RPAP2: variants seen among roughly 807,000 people sequenced by gnomAD.
RPAP2 encodes the protein RNA polymerase II associated protein 2.
RPAP2 carries 52 observed loss-of-function variants against 73.1 expected under a neutral mutation model. The ratio of observed to expected loss-of-function variants is 0.71; its 90% CI spans 0.57 to 0.90. RPAP2 has a LOEUF of 0.90. RPAP2 is among the 40% of genes least tolerant of loss of function. The pLI is 0.00. For missense variants in RPAP2, 598 were observed against 701.8 expected (o/e 0.85, Z 1.67); for synonymous variants, 225 against 242.1 (o/e 0.93, Z 0.65).
chr1:92,334,973 G>A (rs554404636), intron 9 of RPAP2, among the ~76,000 whole-genome samples: 1 of 152,206 alleles, frequency 6.6e-6, no homozygotes, highest in South Asian at 2.1e-4. Context: ...GAGCAACAGA[G>A]TGAGACTCCA....
chr1:92,342,742 G>A (rs1653667893), intron 10 of RPAP2, among the ~76,000 whole-genome samples: 1 of 152,152 alleles, frequency 6.6e-6, no homozygotes, highest in African/African-American at 2.4e-5. Context: ...TAGATTTGGT[G>A]ACTGGCTGGA....
rs542350163 is a variant in RPAP2, at chr1:92,335,060, G to C, written c.1539-1287G>C. On this transcript the variant is annotated intron_variant, in intron 9 of 12. Coordinates refer to ENST00000610020, the MANE Select transcript of RPAP2 (RefSeq NM_024813.3). The stretch of plus-strand genomic sequence containing the variant: ...ACTCAGGAGGCTGAAGTGGAGGATC[G>C]CTTGAGCACGAGAGTTTGAGTCTGC... 5.3e-5 allele frequency among the ~76,000 whole-genome samples: 8 copies of C among 152,246 alleles called. 1 individual carries two copies. The South Asian group carries it at 8.3e-4, about 16-fold the overall frequency.
At chr1:92,372,752 T>G (rs1279328850) in intron 11 of RPAP2, among the ~76,000 whole-genome samples, 1 of 152,056 alleles carries the variant, frequency 6.6e-6, no homozygotes, top group East Asian at 1.9e-4. Flanking sequence ...TAAAAAAATT[T>G]TTTTAAAGTA....
chr1:92,306,726 C>CTA lies in RPAP2; in HGVS notation c.400-461_400-460dup, dbSNP rs368596521. On this transcript the variant is annotated intron_variant, in intron 5 of 12. Coordinates refer to ENST00000610020, the MANE Select transcript of RPAP2 (RefSeq NM_024813.3). ...TGTGGTGGCACGCCTGTAGTCCAAG[C>CTA]TACTCAGGAGGCTGAAACCAGAGGA... 2.9e-3 allele frequency among the ~76,000 whole-genome samples: 443 copies of CTA among 152,084 alleles called. 3 individuals are homozygous for CTA. Among genetic ancestry groups the CTA allele is most frequent in the Admixed American group, 4.7e-3 (72 of 15,282 alleles).
intron 10 of RPAP2, 88 bp from the exon 11 acceptor site, chr1:92,345,757 AC>A: frequency 1.2e-6 from 1 of 801,236 alleles, no homozygotes; most frequent in East Asian, 2.6e-5. Flanking sequence ...CTTCTTTGGC[AC>A]ATTATTATAA....
At chr1:92,357,470 A>G (rs1435759694) in intron 11 of RPAP2, among the ~76,000 whole-genome samples, 1 of 152,216 alleles carries the variant, frequency 6.6e-6, no homozygotes, top group East Asian at 1.9e-4. Flanking sequence ...GGAAGTACCT[A>G]TAGCGTGAAA....
chr1:92,321,470 A>G (rs907939660), intron 7 of RPAP2, among the ~76,000 whole-genome samples: 4 of 151,608 alleles, frequency 2.6e-5, no homozygotes, highest in African/African-American at 9.7e-5. Context: ...TTTTATATAT[A>G]TATATATTTT....
rs964943884 is a variant in RPAP2, at chr1:92,389,085, C to T, written c.*2074C>T. 6.6e-6 allele frequency: 1 copy of T among 152,426 alleles called. No homozygotes were observed. Among genetic ancestry groups the T allele is most frequent in the Non-Finnish European group, 1.5e-5 (1 of 68,230 alleles). The allele number at this position is 152,426 out of a possible 1,614,324, so 9.4% of individuals were successfully genotyped here. A position where few individuals can be genotyped will look rare whatever the true frequency, so the allele number is the denominator to read the frequency against. ...GCTCCGATAATAGACAGACTGCCTCCTCAAGTGGGTCCCTGACCCCCGTGT... is the reference window on the plus strand; with the variant it reads ...GCTCCGATAATAGACAGACTGCCTCTTCAAGTGGGTCCCTGACCCCCGTGT... On this transcript the variant is annotated 3_prime_UTR_variant, in exon 13 of 13. Transcript: ENST00000610020.
At position 92,365,568 on chromosome 1, in the gene RPAP2, T is replaced by C. The variant is rs114953961; in HGVS notation, c.1689-15156T>C. Among the ~76,000 whole-genome samples, 687 of 152,324 alleles carry C rather than the reference T, an allele frequency of 4.5e-3. 5 individuals are homozygous for C. The highest frequency in any genetic ancestry group is 0.016 in the African/African-American group (666 of 41,566). On this transcript the variant is annotated intron_variant, in intron 11 of 12. Coordinates refer to ENST00000610020, the MANE Select transcript of RPAP2 (RefSeq NM_024813.3). ...GCTAAGTAGAGAAGTGCTAAATCAG[T>C]TGACTTAGCTGCATATACCAGGATT...
chr1:92,345,911 CATT>C lies in RPAP2; in HGVS notation c.1686_1688del (p.Leu564del), dbSNP rs756691831. ...ACTTTAATTGCTATGGTGTTGCTGT[CATT>C]GTAAGTACTCTCTCAGATTTTAACT... is the stretch of plus-strand genomic sequence containing the variant. On this transcript the variant is annotated inframe_deletion and splice_region_variant, in exon 11 of 13. Transcript: ENST00000610020. 1 of 1,593,920 alleles carries C rather than the reference CATT, an allele frequency of 6.3e-7. No homozygotes were observed. Among genetic ancestry groups the C allele is most frequent in the East Asian group, 2.2e-5 (1 of 44,596 alleles).
chr1:92,333,157 C>T, intron 8 of RPAP2: 3 of 447,022 alleles, frequency 6.7e-6, no homozygotes, highest in South Asian at 4.7e-5. Flanking sequence ...TATTAATATC[C>T]CAATTATAAA....
chr1:92,338,766 ATTT>A (rs561493861), intron 10 of RPAP2, among the ~76,000 whole-genome samples: 5 of 148,488 alleles, frequency 3.4e-5, no homozygotes, highest in African/African-American at 1.2e-4. Context: ...AGCCTGGCTA[ATTT>A]TTTTTTTAAG....
intron 11 of RPAP2, among the ~76,000 whole-genome samples, chr1:92,347,921 T>C (rs144895018): frequency 2.1e-3 from 323 of 152,308 alleles, no homozygotes; most frequent in African/African-American, 7.3e-3. Flanking sequence ...TCTTTTTTTT[T>C]TTCTTTGAGA....
chr1:92,309,170 G>A (rs1010180603), intron 6 of RPAP2, among the ~76,000 whole-genome samples: 31 of 152,034 alleles, frequency 2.0e-4, no homozygotes, highest in African/African-American at 7.2e-4. Context: ...TGTGCCGGGC[G>A]TGGTGGCTTA....
chr1:92,373,031 T>C (rs1220087062), intron 11 of RPAP2, among the ~76,000 whole-genome samples: 1 of 152,232 alleles, frequency 6.6e-6, no homozygotes, highest in Non-Finnish European at 1.5e-5. Context: ...TGATCTACAG[T>C]GTAACAGGCA....
chr1:92,323,562 T>C lies in RPAP2; in HGVS notation c.642T>C (p.Asp214=), dbSNP rs750203587. The C allele has an allele frequency of 1.9e-6, 3 of 1,613,754 alleles. No homozygotes were observed. In the South Asian group the frequency reaches 3.3e-5, roughly 18 times the overall value. The change falls in exon 8 of 13, where the codon GAT becomes GAC. Residue 214 remains aspartate, a synonymous_variant. Coordinates refer to ENST00000610020, the MANE Select transcript of RPAP2 (RefSeq NM_024813.3). The stretch of plus-strand genomic sequence containing the variant: ...CTAGTTCTTCTAGCACTCACAGTGA[T>C]AGTAGCAGTGACAATGAGCAAGACT... ...YESSSSSTHS[D]SSSDNEQDFV...
chr1:92,396,507 C>A lies in RPAP2; in HGVS notation c.*9496C>A, dbSNP rs1333061108. 1.3e-5 allele frequency: 2 copies of A among 152,102 alleles called. No individual in the cohort carries two copies. Among genetic ancestry groups the A allele is most frequent in the Admixed American group, 1.3e-4 (2 of 15,262 alleles). The allele number at this position is 152,102 out of a possible 1,614,324, so 9.4% of individuals were successfully genotyped here. A position where few individuals can be genotyped will look rare whatever the true frequency, so the allele number is the denominator to read the frequency against. The stretch of plus-strand genomic sequence containing the variant: ...GTTTCCATTTACAGTCCAGAAAAGG[C>A]ATATACTAAATTAGCAGTTGCATGG... On this transcript the variant is annotated 3_prime_UTR_variant, in exon 13 of 13. Coordinates refer to ENST00000610020, the MANE Select transcript of RPAP2 (RefSeq NM_024813.3).
At chr1:92,371,049 G>C (rs993202729) in intron 11 of RPAP2, among the ~76,000 whole-genome samples, 3 of 152,096 alleles carry the variant, frequency 2.0e-5, no homozygotes, top group Admixed American at 6.6e-5. Flanking sequence ...GCTCATGCCT[G>C]TAATCCCAGC....
chr1:92,380,655 G>A, intron 11 of RPAP2, 69 bp from the exon 12 acceptor site: 1 of 1,113,916 alleles, frequency 9.0e-7, no homozygotes, highest in Non-Finnish European at 1.2e-6. Context: ...TCTCTGCCAT[G>A]TTGAAGATAG....
Sources: gnomAD v4.1 joint callset for allele counts (sites outside exome capture counted in the v4.1 genomes callset) on GRCh38, gnomAD v4.1.1 for gene constraint, MANE v1.5 for transcripts, NCBI Gene and HGNC (gene_info 2026-07-23, HGNC 2026-07-21) for gene names.